The following PRMT8 variants were observed in gnomAD, a reference collection of about 807,000 sequenced individuals.
PRMT8 encodes the protein protein arginine methyltransferase 8.
In PRMT8, 7 loss-of-function variants were observed where a neutral mutation model predicts 47.1. The ratio of observed to expected loss-of-function variants is 0.15; its 90% CI spans 0.08 to 0.28. The LOEUF (loss-of-function observed/expected upper bound fraction) is 0.28. PRMT8 is among the 10% of genes least tolerant of loss of function. The pLI is 1.00. For synonymous variants in PRMT8, 188 were observed against 186.5 expected, an observed-to-expected ratio of 1.01 and a Z score of -0.07; for missense variants, 237 against 505.4, an observed-to-expected ratio of 0.47 and a Z score of 5.09.
chr12:3,593,230 C>A lies in PRMT8; in HGVS notation c.*48C>A. 1.4e-6 allele frequency: 2 copies of A among 1,480,678 alleles called. No homozygotes were observed. The highest frequency in any genetic ancestry group is 1.9e-6 in the Non-Finnish European group (2 of 1,064,326). 91.7% of individuals were successfully genotyped at this position (1,480,678 alleles called of 1,614,324 possible). On this transcript the variant is annotated 3_prime_UTR_variant, in exon 10 of 10. Coordinates refer to ENST00000382622, the MANE Select transcript of PRMT8 (RefSeq NM_019854.5). This position sits in a 1 kb window ranked among gnomAD's most constrained non-coding sequence, Gnocchi z 4.8. ...GCAACGAGAAAAGGAACTCTCACCT[C>A]GATCTGCCGTGCCGTCCCAAAGAAT... is the stretch of plus-strand genomic sequence containing the variant.
Position 3,478,687 on chromosome 12 carries a change from A to G in PRMT8, c.49-61919A>G, listed in dbSNP as rs552608433. Among the ~76,000 whole-genome samples the G allele has an allele frequency of 3.3e-5, 5 of 152,370 alleles. No individual in the cohort carries two copies. The East Asian group carries it at 9.6e-4, about 29-fold the overall frequency. ...GAAGGGTTAAAAAGTTGAAGTCAGG[A>G]GCTACCAATGGGTATTAGCTCATGT... is the stretch of plus-strand genomic sequence containing the variant. On this transcript the variant is annotated intron_variant, in intron 1 of 9. Transcript: ENST00000452611.
chr12:3,539,208 G>A (rs1866175952), intron 1 of PRMT8, among the ~76,000 whole-genome samples: 1 of 152,212 alleles, frequency 6.6e-6, no homozygotes, highest in Non-Finnish European at 1.5e-5. Flanking sequence ...CTGTTCTAAA[G>A]TCTTTCCATA....
chr12:3,536,810 CA>C (rs1185560089), intron 1 of PRMT8, among the ~76,000 whole-genome samples: 1 of 152,210 alleles, frequency 6.6e-6, no homozygotes, highest in African/African-American at 2.4e-5. Flanking sequence ...AACAATCTGT[CA>C]TGATCATATT....
intron 1 of PRMT8, among the ~76,000 whole-genome samples, chr12:3,421,916 G>A (rs1007374168): frequency 1.3e-5 from 2 of 152,204 alleles, no homozygotes; most frequent in Non-Finnish European, 2.9e-5. Context: ...ACTCACCACT[G>A]CGCTGCTGGC....
rs7308520 is a variant in PRMT8, at chr12:3,546,812, G to A, written c.262-3124G>A. On this transcript the variant is annotated intron_variant, in intron 2 of 9. Coordinates refer to ENST00000382622, the MANE Select transcript of PRMT8 (RefSeq NM_019854.5). ...GAGCAGAGAACACTTCCTAACTTATGTAATGAGCCCAGTATAACTTTGATT... is the reference window on the plus strand; with the variant it reads ...GAGCAGAGAACACTTCCTAACTTATATAATGAGCCCAGTATAACTTTGATT... 9.3e-3 allele frequency among the ~76,000 whole-genome samples: 1,419 copies of A among 152,272 alleles called. 22 individuals carry two copies. The highest frequency in any genetic ancestry group is 0.032 in the African/African-American group (1,343 of 41,562).
intron 1 of PRMT8, among the ~76,000 whole-genome samples, chr12:3,530,770 A>G (rs1363145840): frequency 6.6e-6 from 1 of 152,242 alleles, no homozygotes; most frequent in Non-Finnish European, 1.5e-5. Context: ...ATCTAAAGAT[A>G]GCACCCTGGC....
rs71061123 is a variant in PRMT8 at position 3,585,345 on chromosome 12, C to CTTTTTTT, written c.979+2158_979+2164dup. On this transcript the variant is annotated intron_variant, in intron 8 of 9. Coordinates refer to ENST00000382622, the MANE Select transcript of PRMT8 (RefSeq NM_019854.5). ...TCCAGAAGCCATGAAGAAAATGATG[C>CTTTTTTT]TTTTTTTTTTTTTTTTTTTTTTTTT... Among the ~76,000 whole-genome samples the CTTTTTTT allele has an allele frequency of 1.3e-4, 6 of 45,790 alleles. 2 individuals carry two copies. Among genetic ancestry groups the CTTTTTTT allele is most frequent in the African/African-American group, 4.5e-4 (5 of 11,022 alleles). 30.0% of individuals were successfully genotyped at this position (45,790 alleles called of 152,430 possible). A position where few individuals can be genotyped will look rare whatever the true frequency, so the allele number is the denominator to read the frequency against.
At chr12:3,555,175 G>C (rs1343034734) in intron 4 of PRMT8, among the ~76,000 whole-genome samples, 2 of 152,226 alleles carry the variant, frequency 1.3e-5, no homozygotes, top group African/African-American at 4.8e-5. Context: ...CCATTTAGGG[G>C]TAGGGGTTAC....
At chr12:3,574,865 A>G (rs1201202685) in intron 6 of PRMT8, among the ~76,000 whole-genome samples, 1 of 152,268 alleles carries the variant, frequency 6.6e-6, no homozygotes, top group Non-Finnish European at 1.5e-5. Context: ...AACTCCCGGC[A>G]GAGTCCAGGG....
At chr12:3,386,805 G>T (rs1864144219) in intron 1 of PRMT8, among the ~76,000 whole-genome samples, 1 of 151,784 alleles carries the variant, frequency 6.6e-6, no homozygotes, top group South Asian at 2.1e-4. Flanking sequence ...TGTCTCCCGG[G>T]TTCAAACGAT....
chr12:3,432,978 A>G (rs1320557242), intron 1 of PRMT8, among the ~76,000 whole-genome samples: 1 of 152,206 alleles, frequency 6.6e-6, no homozygotes, highest in East Asian at 1.9e-4. Flanking sequence ...CAGACCTAGC[A>G]GTGGGATTGC....
intron 1 of PRMT8, among the ~76,000 whole-genome samples, chr12:3,384,736 C>T (rs920302682): frequency 3.3e-5 from 5 of 152,088 alleles, no homozygotes; most frequent in Admixed American, 2.0e-4. Flanking sequence ...AAACCAGTCT[C>T]GCAAAGAGAA....
intron 1 of PRMT8, among the ~76,000 whole-genome samples, chr12:3,485,441 T>C (rs1268194741): frequency 6.6e-6 from 1 of 152,182 alleles, no homozygotes; most frequent in East Asian, 1.9e-4. Flanking sequence ...GATATTAAGG[T>C]AATATCACTT....
intron 1 of PRMT8, among the ~76,000 whole-genome samples, chr12:3,539,445 G>A (rs1369187795): frequency 6.6e-6 from 1 of 152,148 alleles, no homozygotes; most frequent in African/African-American, 2.4e-5. Flanking sequence ...ACTAGAGCCA[G>A]GATAGGACCC....
In PRMT8 at chr12:3,564,526, CAGG is replaced by C. The variant is rs375544586; in HGVS notation, c.482-4177_482-4175del. On this transcript the variant is annotated intron_variant, in intron 4 of 9. Coordinates refer to ENST00000382622, the MANE Select transcript of PRMT8 (RefSeq NM_019854.5). This position sits in a 1 kb window ranked among gnomAD's most constrained non-coding sequence, Gnocchi z 4.0. Reference sequence around the variant, plus strand: ...TGTCTCACTTACAAACTTGAAGCTACAGGAGAAGTTTTCCCAATTTAGAGTCTA... The same window carrying C: ...TGTCTCACTTACAAACTTGAAGCTACAGAAGTTTTCCCAATTTAGAGTCTA... Among the ~76,000 whole-genome samples the C allele has an allele frequency of 8.8e-4, 134 of 152,350 alleles. 2 individuals carry two copies. The East Asian group carries it at 0.018, about 20-fold the overall frequency.
In PRMT8 at chr12:3,521,569, C is replaced by T. The variant is rs927466668; in HGVS notation, c.76-19037C>T. 4.6e-5 allele frequency among the ~76,000 whole-genome samples: 7 copies of T among 151,798 alleles called. No individual in the cohort carries two copies. In the East Asian group the frequency reaches 7.7e-4, roughly 17 times the overall value. On this transcript the variant is annotated intron_variant, in intron 1 of 9. Coordinates refer to ENST00000382622, the MANE Select transcript of PRMT8 (RefSeq NM_019854.5). ...AGCCTGGGCAGCAAGAGCGAAACTC[C>T]GTCTCAAAAAAAACAAAAACAAGAA...
chr12:3,415,094 C>T (rs1219282359), intron 1 of PRMT8, among the ~76,000 whole-genome samples: 3 of 152,058 alleles, frequency 2.0e-5, no homozygotes, highest in Non-Finnish European at 4.4e-5. Flanking sequence ...TTGGGGTTTC[C>T]TCAGCCTCCT....
Position 3,451,033 on chromosome 12 carries a change from A to ACCCCCCCCCCCCCCC in PRMT8, c.48+69599_48+69613dup, listed in dbSNP as rs71061115. 3.8e-4 allele frequency among the ~76,000 whole-genome samples: 10 copies of ACCCCCCCCCCCCCCC among 26,124 alleles called. 4 individuals are homozygous for ACCCCCCCCCCCCCCC. The highest frequency in any genetic ancestry group is 1.2e-3 in the Admixed American group (2 of 1,604). The allele number at this position is 26,124 out of a possible 152,430, so 17.1% of individuals were successfully genotyped here. On this transcript the variant is annotated intron_variant, in intron 1 of 9. Transcript: ENST00000452611. ...TGAAAGCAGTTTTGATCTTGCTGAC[A>ACCCCCCCCCCCCCCC]CCCCCCCCCCCCCCCCCCCCCCGCC...
intron 1 of PRMT8, among the ~76,000 whole-genome samples, chr12:3,516,791 C>A (rs561511714): frequency 1.3e-5 from 2 of 152,222 alleles, no homozygotes; most frequent in African/African-American, 2.4e-5. Context: ...TTGGCCTCCC[C>A]CTCCCCACCT....
Sources: gnomAD v4.1 joint callset for allele counts (sites outside exome capture counted in the v4.1 genomes callset) on GRCh38, gnomAD v4.1.1 for gene constraint, Gnocchi (gnomAD v3.1) non-coding constraint, MANE v1.5 for transcripts, NCBI Gene and HGNC (gene_info 2026-07-23, HGNC 2026-07-21) for gene names.